Variants in GLRA3 observed in about 807,000 individuals in gnomAD.
GLRA3 encodes the protein glycine receptor alpha 3.
Under a neutral mutation model 60.4 loss-of-function variants are expected in GLRA3, and 44 were observed. The observed-to-expected ratio is 0.73, with a 90% CI of 0.57 to 0.94. GLRA3 has a LOEUF of 0.94. Among genes scored for constraint, GLRA3 ranks in the 40% least tolerant of loss-of-function variants. GLRA3 has a pLI of 0.00. For synonymous variants in GLRA3, 223 were observed against 192.9 expected, an observed-to-expected ratio of 1.16 and a Z score of -1.29; for missense variants, 508 against 564.6, an observed-to-expected ratio of 0.90 and a Z score of 1.02.
At chr4:174,726,607 G>A (rs1736334175) in intron 4 of GLRA3, among the ~76,000 whole-genome samples, 1 of 152,106 alleles carries the variant, frequency 6.6e-6, no homozygotes, top group Non-Finnish European at 1.5e-5. Flanking sequence ...TCATCTTCAA[G>A]TCTAGGATGT....
intron 1 of GLRA3, among the ~76,000 whole-genome samples, chr4:174,797,908 A>G (rs1739634766): frequency 6.6e-6 from 1 of 151,734 alleles, no homozygotes; most frequent in Non-Finnish European, 1.5e-5. Context: ...TGGGCAACAG[A>G]GTGAGACCCT....
At chr4:174,691,548 C>T (rs578200168) in intron 5 of GLRA3, among the ~76,000 whole-genome samples, 27 of 152,344 alleles carry the variant, frequency 1.8e-4, no homozygotes, top group African/African-American at 5.8e-4. Context: ...CGCGCCGCCA[C>T]GCCTGACTGG....
intron 1 of GLRA3, among the ~76,000 whole-genome samples, chr4:174,802,621 T>C (rs1043969117): frequency 6.6e-6 from 1 of 152,086 alleles, no homozygotes; most frequent in African/African-American, 2.4e-5. Context: ...AAAGACTTTC[T>C]TTCCTGGCAA....
intron 1 of GLRA3, among the ~76,000 whole-genome samples, chr4:174,824,512 A>G: frequency 6.6e-6 from 1 of 152,062 alleles, no homozygotes; most frequent in Non-Finnish European, 1.5e-5. Flanking sequence ...CAATGCTGTG[A>G]CTCCTCCATA....
chr4:174,808,148 G>A (rs1740122621), intron 1 of GLRA3, among the ~76,000 whole-genome samples: 2 of 152,092 alleles, frequency 1.3e-5, no homozygotes, highest in South Asian at 2.1e-4. Flanking sequence ...ATTTGAAAAA[G>A]CACTTAAAGC....
At chr4:174,743,514 T>C (rs913865879) in intron 3 of GLRA3, among the ~76,000 whole-genome samples, 6 of 152,168 alleles carry the variant, frequency 3.9e-5, no homozygotes, top group Non-Finnish European at 5.9e-5. Context: ...CATAATTAGA[T>C]TGGTATTAGT....
chr4:174,693,476 C>T (rs1187718854), intron 5 of GLRA3, among the ~76,000 whole-genome samples: 3 of 151,870 alleles, frequency 2.0e-5, no homozygotes, highest in Non-Finnish European at 4.4e-5. Flanking sequence ...GTAGATGTTT[C>T]ATCTTCTTTC....
At chr4:174,683,443 TGG>T (rs1734434832) in intron 5 of GLRA3, among the ~76,000 whole-genome samples, 1 of 152,090 alleles carries the variant, frequency 6.6e-6, no homozygotes, top group African/African-American at 2.4e-5. Context: ...CTCAGCCTCC[TGG>T]GTTCAAGTGA....
chr4:174,721,999 A>G (rs1736151352), intron 4 of GLRA3, among the ~76,000 whole-genome samples: 1 of 152,100 alleles, frequency 6.6e-6, no homozygotes, highest in South Asian at 2.1e-4. Context: ...AACTCTGGAC[A>G]GCCATATTGC....
At chr4:174,662,362 A>G (rs1255841803) in intron 7 of GLRA3, among the ~76,000 whole-genome samples, 2 of 152,218 alleles carry the variant, frequency 1.3e-5, no homozygotes, top group Non-Finnish European at 2.9e-5. Context: ...TGCTATAAAA[A>G]TAAATATCCT....
At chr4:174,706,224 C>T (rs1038755311) in intron 5 of GLRA3, among the ~76,000 whole-genome samples, 4 of 145,664 alleles carry the variant, frequency 2.7e-5, no homozygotes, top group East Asian at 2.2e-4. Context: ...GGCGAGACTC[C>T]GTCTCAGAAA....
At chr4:174,792,130 A>G (rs1448722449) in intron 1 of GLRA3, among the ~76,000 whole-genome samples, 1 of 152,158 alleles carries the variant, frequency 6.6e-6, no homozygotes, top group African/African-American at 2.4e-5. Context: ...GTTGAGCACT[A>G]AGGGTGTTTT....
intron 9 of GLRA3, among the ~76,000 whole-genome samples, chr4:174,654,375 T>C (rs1018176330): frequency 3.3e-5 from 5 of 152,124 alleles, no homozygotes; most frequent in Non-Finnish European, 7.4e-5. Context: ...AAAATAAAGT[T>C]TGTGTACAGA....
intron 1 of GLRA3, among the ~76,000 whole-genome samples, chr4:174,815,592 T>C (rs1241337696): frequency 6.6e-6 from 1 of 152,176 alleles, no homozygotes; most frequent in Non-Finnish European, 1.5e-5. Flanking sequence ...GTTCTTGACT[T>C]GCGTGCACCC....
At chr4:174,784,020 C>T (rs62333644) in intron 2 of GLRA3, among the ~76,000 whole-genome samples, 35,977 of 147,264 alleles carry the variant, frequency 0.24, 4,604 homozygotes, top group Non-Finnish European at 0.29. Context: ...CACATGCACA[C>T]GTATGTTTAT....
intron 3 of GLRA3, among the ~76,000 whole-genome samples, chr4:174,756,869 G>T (rs1315704273): frequency 6.6e-6 from 1 of 151,942 alleles, no homozygotes; most frequent in Non-Finnish European, 1.5e-5. Flanking sequence ...GGATGGTCTC[G>T]TCTCCTGACC....
At chr4:174,825,185 C>A (rs1324157596) in intron 1 of GLRA3, among the ~76,000 whole-genome samples, 1 of 151,906 alleles carries the variant, frequency 6.6e-6, no homozygotes, top group Non-Finnish European at 1.5e-5. Flanking sequence ...TAAAACTATA[C>A]AGAATCTTGC....
Position 174,797,879 on chromosome 4 carries a change from G to A in GLRA3, c.72-8936C>T, listed in dbSNP as rs890967099. Among the ~76,000 whole-genome samples the A allele has an allele frequency of 8.6e-5, 13 of 151,568 alleles. No individual in the cohort carries two copies. In the South Asian group the frequency reaches 2.5e-3, roughly 29 times the overall value. On this transcript the variant is annotated intron_variant, in intron 1 of 9. Coordinates refer to ENST00000274093, the MANE Select transcript of GLRA3 (RefSeq NM_006529.4). The stretch of plus-strand genomic sequence containing the variant: ...GTCAAAGCTGCAGAGAGCCATGACT[G>A]TGTCACTGCACTCCATCTTGGGCAA...
rs150709928 is a variant in GLRA3 at position 174,766,969 on chromosome 4, C to T, written c.261G>A (p.Thr87=). ...FINSFGSIAE[T]TMDYRVNIFL... is the part of the protein sequence containing the mutation. ...TGCAAAGTAAAATGCCTACCATGGTCGTCTCTGCGATAGAGCCAAAGCTGT... is the reference window on the plus strand; with the variant it reads ...TGCAAAGTAAAATGCCTACCATGGTTGTCTCTGCGATAGAGCCAAAGCTGT... Residue 87 remains threonine, a synonymous_variant, in exon 3 of 10, where the codon ACG becomes ACA. Transcript: ENST00000274093. 5.6e-5 allele frequency: 87 copies of T among 1,567,004 alleles called. 1 individual carries two copies. The South Asian group carries it at 9.1e-4, about 16-fold the overall frequency.
Sources: gnomAD v4.1 joint callset for allele counts (sites outside exome capture counted in the v4.1 genomes callset) on GRCh38, gnomAD v4.1.1 for gene constraint, MANE v1.5 for transcripts, NCBI Gene and HGNC (gene_info 2026-07-23, HGNC 2026-07-21) for gene names.